The following GLRB variants were observed in gnomAD, a reference collection of about 807,000 sequenced individuals.
GLRB encodes the protein glycine receptor beta, also known as glycine receptor subunit beta.
Under a neutral mutation model 54.2 loss-of-function variants are expected in GLRB, and 33 were observed. That is an observed-to-expected ratio of 0.61 (90% CI 0.46 to 0.81). The LOEUF (loss-of-function observed/expected upper bound fraction) is 0.81. Ranked by LOEUF, GLRB falls within the 40% of genes least tolerant of loss-of-function variation. The probability of loss-of-function intolerance (pLI) is 0.00; values close to 1 mark genes in which losing one functional copy is unlikely to be tolerated. For missense variants in GLRB, 572 were observed against 584.6 expected (o/e 0.98, Z 0.22); for synonymous variants, 209 against 208.2 (o/e 1.00, Z -0.03).
chr4:157,154,905 G>A (rs1340887516), intron 9 of GLRB, among the ~76,000 whole-genome samples: 2 of 152,004 alleles, frequency 1.3e-5, no homozygotes, highest in Admixed American at 6.6e-5. Flanking sequence ...CTTTTGTGAT[G>A]TTTAAAAATG....
At chr4:157,117,210 G>A (rs1215154354) in intron 2 of GLRB, among the ~76,000 whole-genome samples, 2 of 151,590 alleles carry the variant, frequency 1.3e-5, no homozygotes, top group African/African-American at 2.4e-5. Flanking sequence ...TGTATGGATG[G>A]TAATAAGAAG....
At chr4:157,161,860 G>A (rs952671014) in intron 9 of GLRB, among the ~76,000 whole-genome samples, 1 of 152,112 alleles carries the variant, frequency 6.6e-6, no homozygotes, top group Non-Finnish European at 1.5e-5. Flanking sequence ...TGTATTTCCT[G>A]AATTTGAATG....
intron 4 of GLRB, among the ~76,000 whole-genome samples, chr4:157,132,433 G>A (rs1736250918): frequency 6.6e-6 from 1 of 151,720 alleles, no homozygotes; most frequent in Non-Finnish European, 1.5e-5. Context: ...AACTGATTAA[G>A]AAGTGGTATC....
chr4:157,107,633 C>A (rs976815912), intron 2 of GLRB, among the ~76,000 whole-genome samples: 1 of 152,030 alleles, frequency 6.6e-6, no homozygotes, highest in Admixed American at 6.6e-5. Flanking sequence ...TGGAAGCTAG[C>A]AGAGGTTGGT....
chr4:157,109,618 C>G (rs1426597278), intron 2 of GLRB, among the ~76,000 whole-genome samples: 3 of 151,984 alleles, frequency 2.0e-5, no homozygotes, highest in African/African-American at 7.2e-5. Flanking sequence ...TCACACAGCT[C>G]AAAGGCTCAG....
At chr4:157,156,732 C>T (rs1476142349) in intron 9 of GLRB, among the ~76,000 whole-genome samples, 2 of 152,090 alleles carry the variant, frequency 1.3e-5, no homozygotes, top group African/African-American at 4.8e-5. Flanking sequence ...TAATTTTTAT[C>T]ATGAATGTTG....
chr4:157,124,878 C>T (rs1454657490), intron 4 of GLRB, among the ~76,000 whole-genome samples: 1 of 151,764 alleles, frequency 6.6e-6, no homozygotes, highest in Non-Finnish European at 1.5e-5. Flanking sequence ...CATAATTATT[C>T]TTTTTTGCTT....
chr4:157,099,259 G>T (rs1324669184), intron 2 of GLRB, among the ~76,000 whole-genome samples: 1 of 151,906 alleles, frequency 6.6e-6, no homozygotes, highest in African/African-American at 2.4e-5. Flanking sequence ...TATTCTAGGA[G>T]TTCAGGTGAA....
At chr4:157,140,177 G>A (rs548691680) in intron 7 of GLRB, among the ~76,000 whole-genome samples, 3 of 151,870 alleles carry the variant, frequency 2.0e-5, no homozygotes, top group Non-Finnish European at 4.4e-5. Flanking sequence ...TAATTATGGA[G>A]GTTTTTAAAA....
At chr4:157,122,525 A>C in intron 4 of GLRB, 128 bp downstream of exon 4, 1 of 417,196 alleles carries the variant, frequency 2.4e-6, no homozygotes, top group Non-Finnish European at 4.4e-6. Flanking sequence ...AAAATGTCCA[A>C]ATTTCTAGAT....
chr4:157,078,001 T>G lies in GLRB; in HGVS notation c.-24T>G. The G allele has an allele frequency of 6.3e-7, 1 of 1,590,964 alleles. No individual in the cohort carries two copies. The highest frequency in any genetic ancestry group is 1.1e-5 in the South Asian group (1 of 90,404). On this transcript the variant is annotated 5_prime_UTR_variant, in exon 2 of 10. Transcript: ENST00000264428. Reference sequence around the variant, plus strand: ...TTTCTTGTTCTCTCTTGTAGATCGATCTTCTGAAATTCAAGTTTTCAAGAT... The same window carrying G: ...TTTCTTGTTCTCTCTTGTAGATCGAGCTTCTGAAATTCAAGTTTTCAAGAT...
intron 9 of GLRB, among the ~76,000 whole-genome samples, chr4:157,161,178 G>T (rs1334987926): frequency 6.6e-6 from 1 of 152,034 alleles, no homozygotes; most frequent in Non-Finnish European, 1.5e-5. Flanking sequence ...TTTTCCATTT[G>T]CTTGGTGGAT....
intron 2 of GLRB, among the ~76,000 whole-genome samples, chr4:157,079,701 C>A (rs182025049): frequency 6.6e-6 from 1 of 152,276 alleles, no homozygotes; most frequent in Non-Finnish European, 1.5e-5. Context: ...CAATCTACAA[C>A]CATCTCAACT....
Position 157,136,454 on chromosome 4 carries a change from G to A in GLRB, c.298-15G>A. The A allele has an allele frequency of 7.1e-7, 1 of 1,398,812 alleles. No individual in the cohort carries two copies. Among genetic ancestry groups the A allele is most frequent in the Non-Finnish European group, 1.0e-6 (1 of 983,722 alleles). The allele number at this position is 1,398,812 out of a possible 1,614,324, so 86.7% of individuals were successfully genotyped here. On this transcript the variant is annotated splice_polypyrimidine_tract_variant and intron_variant, in intron 4 of 9. Coordinates refer to ENST00000264428, the MANE Select transcript of GLRB (RefSeq NM_000824.5). ...AATAAACATACACATGTGCACGCATGTACTTTTTCTTCAGGACTATAGAGT... is the reference window on the plus strand; with the variant it reads ...AATAAACATACACATGTGCACGCATATACTTTTTCTTCAGGACTATAGAGT...
At chr4:157,137,843 T>G (rs1736461294) in intron 6 of GLRB, among the ~76,000 whole-genome samples, 1 of 152,190 alleles carries the variant, frequency 6.6e-6, no homozygotes, top group Admixed American at 6.5e-5. Flanking sequence ...TTGATCCCAT[T>G]ACTGGATGCA....
chr4:157,159,795 T>C (rs1449259181), intron 9 of GLRB, among the ~76,000 whole-genome samples: 1 of 152,136 alleles, frequency 6.6e-6, no homozygotes, highest in East Asian at 1.9e-4. Context: ...TAAAATTCTC[T>C]TTTTTTGTTG....
chr4:157,166,347 T>C (rs1737707026), intron 9 of GLRB, among the ~76,000 whole-genome samples: 1 of 152,068 alleles, frequency 6.6e-6, no homozygotes, highest in African/African-American at 2.4e-5. Flanking sequence ...AAGCAGTTTA[T>C]TTCATCTCTT....
intron 2 of GLRB, chr4:157,084,856 T>G (rs1007870332): frequency 3.0e-6 from 1 of 335,508 alleles, no homozygotes; most frequent in African/African-American, 2.2e-5. Context: ...AAATAGATTT[T>G]AGTATAATTC....
chr4:157,117,048 T>C (rs553712216), intron 2 of GLRB, among the ~76,000 whole-genome samples: 3 of 151,850 alleles, frequency 2.0e-5, no homozygotes, highest in East Asian at 3.9e-4. Context: ...AAATTTGTTT[T>C]TAACAGTGGA....
Sources: gnomAD v4.1 joint callset for allele counts (sites outside exome capture counted in the v4.1 genomes callset) on GRCh38, gnomAD v4.1.1 for gene constraint, MANE v1.5 for transcripts, NCBI Gene and HGNC (gene_info 2026-07-23, HGNC 2026-07-21) for gene names.